The following RSPH3 variants were observed in gnomAD, a reference collection of about 807,000 sequenced individuals.
The protein encoded by RSPH3 is radial spoke head protein 3 homolog.
Under a neutral mutation model 43.8 loss-of-function variants are expected in RSPH3, and 21 were observed. The ratio of observed to expected loss-of-function variants is 0.48; its 90% CI spans 0.34 to 0.69. The LOEUF is 0.69. Ranked by LOEUF, RSPH3 falls within the 30% of genes least tolerant of loss-of-function variation. The probability of loss-of-function intolerance (pLI) is 0.01; values close to 1 mark genes in which losing one functional copy is unlikely to be tolerated. For missense variants in RSPH3, 487 were observed against 516.0 expected (o/e 0.94, Z 0.54); for synonymous variants, 173 against 179.8 (o/e 0.96, Z 0.30).
intron 3 of RSPH3, among the ~76,000 whole-genome samples, chr6:158,985,882 C>T (rs1562562971): frequency 1.3e-5 from 2 of 149,552 alleles, no homozygotes; most frequent in South Asian, 2.1e-4. Context: ...GGTGCGATCT[C>T]GGCTTACTGC....
Position 158,980,779 on chromosome 6 carries a change from T to C in RSPH3, c.854A>G (p.Glu285Gly). Residue 285 changes from glutamate to glycine, a missense_variant, in exon 6 of 8, where the codon GAA becomes GGA. Coordinates refer to ENST00000367069, the MANE Select transcript of RSPH3 (RefSeq NM_031924.8). The stretch of plus-strand genomic sequence containing the variant: ...TAACAAAAATATCTACAAACCTCTT[T>C]CAATGGGATCATAAAAGTAGCCACT... ...RDSGYFYDPI[E>G]RDIEIGFLPW... 2 of 1,613,002 alleles carry C rather than the reference T, an allele frequency of 1.2e-6. No homozygotes were observed. The highest frequency in any genetic ancestry group is 1.7e-6 in the Non-Finnish European group (2 of 1,179,116).
chr6:158,980,633 CTTACT>C (rs947363728), intron 6 of RSPH3, 136 bp downstream of exon 6: 24 of 653,314 alleles, frequency 3.7e-5, no homozygotes, highest in African/African-American at 2.2e-4. Context: ...AACAACTGTA[CTTACT>C]TTAAACAACT....
Position 158,987,993 on chromosome 6 carries a change from T to A in RSPH3, c.205-1572A>T, listed in dbSNP as rs1274223577. On this transcript the variant is annotated intron_variant, in intron 2 of 7. Transcript: ENST00000367069. ...CCTTCAAATGTTTTCTTTTGGCACA[T>A]TAGTGTTTTTTGTTGCTGTTGTTCA... Among the ~76,000 whole-genome samples the A allele has an allele frequency of 3.3e-5, 5 of 152,324 alleles. No homozygotes were observed. The East Asian group carries it at 9.6e-4, about 29-fold the overall frequency.
rs1351083683 is a variant in RSPH3, at chr6:158,972,912, T to C, written c.*4626A>G. The C allele has an allele frequency of 6.6e-6, 1 of 152,244 alleles. No individual in the cohort carries two copies. Among genetic ancestry groups the C allele is most frequent in the Non-Finnish European group, 1.5e-5 (1 of 68,048 alleles). The allele number at this position is 152,244 out of a possible 1,614,324, so 9.4% of individuals were successfully genotyped here. ...TTTATTGAATTTTAGTAATGTAAGT[T>C]GAGATCATGAAACATACAATCTAAT... On this transcript the variant is annotated 3_prime_UTR_variant, in exon 8 of 8. Coordinates refer to ENST00000367069, the MANE Select transcript of RSPH3 (RefSeq NM_031924.8).
intron 3 of RSPH3, 80 bp from the exon 4 acceptor site, chr6:158,983,887 A>C: frequency 9.7e-7 from 1 of 1,026,310 alleles, no homozygotes; most frequent in South Asian, 1.3e-5. Flanking sequence ...TAATCCCAGC[A>C]CTTTGGGAGG....
rs1778789487 is a variant in RSPH3 at position 158,999,727 on chromosome 6, G to C, written c.-177C>G. 1.9e-6 allele frequency: 3 copies of C among 1,613,106 alleles called. No homozygotes were observed. Among genetic ancestry groups the C allele is most frequent in the African/African-American group, 2.7e-5 (2 of 74,910 alleles). ...GGGAGGTTACCAGCGCAGGAGGTGG[G>C]AGCTATACTGGGCTCGCTCCCAGCA... On this transcript the variant is annotated 5_prime_UTR_variant, in exon 1 of 8. Transcript: ENST00000367069.
In RSPH3 at chr6:158,982,624, T is replaced by A. The variant is rs1778073943; in HGVS notation, c.557A>T (p.Gln186Leu). ...LEVLVGKTIEQSLLEVMEEEE... is the reference protein window; with the variant it reads ...LEVLVGKTIELSLLEVMEEEE... ...TTCTTCCATTACTTCCAGAAGAGAC[T>A]GCTCAATTGTCTTCCCCACCAAAAC... is the stretch of plus-strand genomic sequence containing the variant. Residue 186 changes from glutamine to leucine, a missense_variant, in exon 5 of 8, where the codon CAG becomes CTG. Physicochemically the swap from Gln to Leu is moderately radical, Grantham distance 113. Coordinates refer to ENST00000367069, the MANE Select transcript of RSPH3 (RefSeq NM_031924.8). 2 of 1,613,868 alleles carry A rather than the reference T, an allele frequency of 1.2e-6. No individual in the cohort carries two copies. Among genetic ancestry groups the A allele is most frequent in the African/African-American group, 2.7e-5 (2 of 74,912 alleles).
Position 159,000,188 on chromosome 6 carries a change from G to A in RSPH3, c.-638C>T. 1 of 540,890 alleles carries A rather than the reference G, an allele frequency of 1.8e-6. No homozygotes were observed. Among genetic ancestry groups the A allele is most frequent in the East Asian group, 3.3e-5 (1 of 30,272 alleles). The allele number at this position is 540,890 out of a possible 1,614,324, so 33.5% of individuals were successfully genotyped here. ...AGCCAGGCTCCCAGCTCTGTTACGT[G>A]CCCGGGCGGGGAAGAGCTTCCTGGT... On this transcript the variant is annotated 5_prime_UTR_variant, in exon 1 of 8. Coordinates refer to ENST00000367069, the MANE Select transcript of RSPH3 (RefSeq NM_031924.8).
chr6:158,998,297 CAAAAAA>C (rs71297000), intron 1 of RSPH3, among the ~76,000 whole-genome samples: 3,231 of 53,958 alleles, frequency 0.06, 65 homozygotes, highest in Non-Finnish European at 0.09. Context: ...TAAAAAAATA[CAAAAAA>C]AAAAAAAAAA....
Position 158,977,603 on chromosome 6 carries a change from C to G in RSPH3, c.1192G>C (p.Glu398Gln). The G allele has an allele frequency of 6.2e-7, 1 of 1,614,074 alleles. No individual in the cohort carries two copies. Among genetic ancestry groups the G allele is most frequent in the Non-Finnish European group, 8.5e-7 (1 of 1,180,004 alleles). The change falls in exon 8 of 8, where the codon GAA (glutamate) becomes CAA (glutamine). Residue 398 changes from glutamate (E) to glutamine (Q), a missense_variant. Physicochemically the swap from Glu to Gln is conservative, Grantham distance 29 (BLOSUM62 2). Coordinates refer to ENST00000367069, the MANE Select transcript of RSPH3 (RefSeq NM_031924.8). ...GTTTCTTCATCTTGCCCTAAGAGTT[C>G]TCTCTCTTCCATAAACTTCCTTTCC... ...SQERKFMEER[E>Q]LLGQDEETAM...
At position 158,989,619 on chromosome 6, in the gene RSPH3, T is replaced by C. The variant is rs779310861; in HGVS notation, c.205-3198A>G. Among the ~76,000 whole-genome samples, 1 of 152,142 alleles carries C rather than the reference T, an allele frequency of 6.6e-6. No individual in the cohort carries two copies. The highest frequency in any genetic ancestry group is 1.5e-5 in the Non-Finnish European group (1 of 68,026). ...ACAGCAGAGTGTCCAGGGCTGGAGA[T>C]GGTAGTCTCACCTCCCCATTTTGTT... On this transcript the variant is annotated intron_variant, in intron 2 of 7. Transcript: ENST00000367069. This position sits in a 1 kb window ranked among gnomAD's most constrained non-coding sequence, Gnocchi z 4.3.
rs1169626140 is a variant in RSPH3 at position 158,980,786 on chromosome 6, G to C, written c.847C>G (p.Pro283Ala). The C allele has an allele frequency of 2.5e-6, 4 of 1,613,274 alleles. 1 individual carries two copies. The South Asian group carries it at 4.4e-5, about 18-fold the overall frequency. ...AATATCTACAAACCTCTTTCAATGGGATCATAAAAGTAGCCACTATCCCTG... is the reference window on the plus strand; with the variant it reads ...AATATCTACAAACCTCTTTCAATGGCATCATAAAAGTAGCCACTATCCCTG... ...SLRDSGYFYD[P>A]IERDIEIGFL... The change falls in exon 6 of 8, where the codon CCC becomes GCC. Residue 283 changes from proline to alanine, a missense_variant. Transcript: ENST00000367069.
At position 158,977,464 on chromosome 6, in the gene RSPH3, G is replaced by A. The variant is rs1408668167; in HGVS notation, c.*74C>T. Reference sequence around the variant, plus strand: ...TACAACATAATTTCTATAACCTGAGGGGACTCGCACATCATTACCTGATTG... The same window carrying A: ...TACAACATAATTTCTATAACCTGAGAGGACTCGCACATCATTACCTGATTG... On this transcript the variant is annotated 3_prime_UTR_variant, in exon 8 of 8. Transcript: ENST00000367069. The A allele has an allele frequency of 7.8e-7, 1 of 1,281,368 alleles. No homozygotes were observed. Among genetic ancestry groups the A allele is most frequent in the Non-Finnish European group, 1.1e-6 (1 of 926,362 alleles). 79.4% of individuals were successfully genotyped at this position (1,281,368 alleles called of 1,614,324 possible). A position where few individuals can be genotyped will look rare whatever the true frequency, so the allele number is the denominator to read the frequency against.
chr6:158,993,997 T>C, intron 1 of RSPH3, 71 bp from the exon 2 acceptor site: 1 of 783,458 alleles, frequency 1.3e-6, no homozygotes, highest in Non-Finnish European at 2.1e-6. Context: ...TCATTTTCAA[T>C]AGGATTTAGA....
At chr6:158,997,920 AT>A (rs1414600732) in intron 1 of RSPH3, among the ~76,000 whole-genome samples, 2 of 148,436 alleles carry the variant, frequency 1.3e-5, no homozygotes, top group Non-Finnish European at 3.0e-5. Context: ...ATAATTATGA[AT>A]TTAGAAAGAG....
intron 2 of RSPH3, among the ~76,000 whole-genome samples, chr6:158,987,174 T>G (rs903755440): frequency 6.6e-6 from 1 of 152,246 alleles, no homozygotes; most frequent in African/African-American, 2.4e-5. Context: ...GGTGCATGGA[T>G]ATTTATCATT....
the RSPH3 span, among the ~76,000 whole-genome samples, chr6:158,965,715 T>C: frequency 6.6e-6 from 1 of 152,156 alleles, no homozygotes; most frequent in African/African-American, 2.4e-5. Context: ...ACTAAAGATA[T>C]TTTAATTTTT....
downstream of RSPH3, among the ~76,000 whole-genome samples, chr6:158,970,163 C>A (rs1412581552): frequency 6.6e-6 from 1 of 152,038 alleles, no homozygotes; most frequent in African/African-American, 2.4e-5. Flanking sequence ...ACCACCCGTC[C>A]AACCTGGGTT....
chr6:158,987,246 A>AGTAGACT (rs1778265221), intron 2 of RSPH3, among the ~76,000 whole-genome samples: 1 of 152,048 alleles, frequency 6.6e-6, no homozygotes. Context: ...TTCTTTTTAC[A>AGTAGACT]GTCTTTGATT....
Sources: gnomAD v4.1 joint callset for allele counts (sites outside exome capture counted in the v4.1 genomes callset) on GRCh38, gnomAD v4.1.1 for gene constraint, Gnocchi (gnomAD v3.1) non-coding constraint, MANE v1.5 for transcripts, NCBI Gene and HGNC (gene_info 2026-07-23, HGNC 2026-07-21) for gene names.